RARB: variants seen among roughly 807,000 people sequenced by gnomAD.
RARB encodes the protein retinoic acid receptor beta, also known as HBV-activated protein.
Under a neutral mutation model 51.9 loss-of-function variants are expected in RARB, and 17 were observed. That is an observed-to-expected ratio of 0.33 (90% CI 0.22 to 0.49). The LOEUF (loss-of-function observed/expected upper bound fraction) is 0.49, where lower values mean the gene tolerates loss of function less well. Among genes scored for constraint, RARB ranks in the 20% least tolerant of loss-of-function variants. RARB has a pLI of 0.99. For synonymous variants in RARB, 215 were observed against 195.4 expected (o/e 1.10, Z -0.84); for missense variants, 369 against 550.8 (o/e 0.67, Z 3.30).
intron 5 of RARB, among the ~76,000 whole-genome samples, chr3:25,263,925 C>G (rs989011339): frequency 2.0e-5 from 3 of 152,136 alleles, no homozygotes; most frequent in Non-Finnish European, 2.9e-5. Context: ...TTTGTACTGA[C>G]AAGCGTATTT....
intron 5 of RARB, among the ~76,000 whole-genome samples, chr3:25,284,641 G>A (rs1178722061): frequency 6.6e-6 from 1 of 152,162 alleles, no homozygotes; most frequent in African/African-American, 2.4e-5. Context: ...GGTAGGGAAA[G>A]TTCTCAAGAT....
rs567659513 is a variant in RARB, at chr3:25,491,677, A to C, written c.307-9505A>C. ...TAGGGCTGGGCGTGCGTGGTACCTC[A>C]TGCCTGTAATCCCAACACTGTGGGA... On this transcript the variant is annotated intron_variant, in intron 2 of 7. Transcript: ENST00000330688. Among the ~76,000 whole-genome samples, 3 of 152,306 alleles carry C rather than the reference A, an allele frequency of 2.0e-5. No homozygotes were observed. The East Asian group carries it at 5.8e-4, about 29-fold the overall frequency.
intron 5 of RARB, among the ~76,000 whole-genome samples, chr3:25,380,826 TGG>T (rs1487861534): frequency 1.1e-4 from 17 of 152,186 alleles, no homozygotes; most frequent in Admixed American, 3.9e-4. Flanking sequence ...TCATCGTGAC[TGG>T]TTTTGTGCTT....
At chr3:25,161,175 G>C (rs1436608480) in intron 4 of RARB, among the ~76,000 whole-genome samples, 2 of 94,244 alleles carry the variant, frequency 2.1e-5, no homozygotes, top group African/African-American at 8.2e-5. Flanking sequence ...ACCATGCCCA[G>C]CTAATTATTA....
At chr3:25,411,585 C>T (rs891506121) in intron 5 of RARB, among the ~76,000 whole-genome samples, 4 of 152,192 alleles carry the variant, frequency 2.6e-5, no homozygotes, top group Non-Finnish European at 2.9e-5. Context: ...TCTGGCCTCA[C>T]GCACTAAATG....
intron 5 of RARB, among the ~76,000 whole-genome samples, chr3:25,588,791 C>T (rs191603885): frequency 1.2e-4 from 18 of 152,174 alleles, no homozygotes; most frequent in African/African-American, 4.3e-4. Context: ...CTCTGTGGAC[C>T]TGTCCGTGGG....
intron 4 of RARB, among the ~76,000 whole-genome samples, chr3:25,570,804 C>T (rs1274208505): frequency 1.3e-5 from 2 of 152,128 alleles, no homozygotes; most frequent in Non-Finnish European, 2.9e-5. Context: ...TTAGGTTGCT[C>T]ACCTACAATG....
intron 3 of RARB, among the ~76,000 whole-genome samples, chr3:25,130,878 A>G (rs1350909898): frequency 7.9e-6 from 1 of 126,300 alleles, no homozygotes; most frequent in African/African-American, 3.2e-5. Flanking sequence ...CATATTATCA[A>G]TATTTATTAT....
At chr3:25,115,395 A>T (rs1699668937) in intron 3 of RARB, among the ~76,000 whole-genome samples, 1 of 152,206 alleles carries the variant, frequency 6.6e-6, no homozygotes, top group South Asian at 2.1e-4. Context: ...GTTAGAAAGG[A>T]ACAGTAACAA....
intron 3 of RARB, among the ~76,000 whole-genome samples, chr3:25,092,716 A>G (rs1699220611): frequency 6.6e-6 from 1 of 152,032 alleles, no homozygotes; most frequent in Admixed American, 6.6e-5. Context: ...CCTCTGAGAG[A>G]AGTGTGTTGT....
chr3:24,990,502 T>A (rs1465532192), intron 2 of RARB, among the ~76,000 whole-genome samples: 2 of 107,892 alleles, frequency 1.9e-5, no homozygotes, highest in Non-Finnish European at 3.7e-5. Context: ...TTTATTTTTA[T>A]ATTTTTAATT....
intron 5 of RARB, among the ~76,000 whole-genome samples, chr3:25,387,754 G>A (rs576504453): frequency 3.9e-5 from 6 of 151,966 alleles, no homozygotes; most frequent in South Asian, 2.1e-4. Flanking sequence ...GTCTTTGTTC[G>A]ACCCTAAATG....
chr3:25,488,977 A>G (rs1575452256), intron 2 of RARB, among the ~76,000 whole-genome samples: 1 of 152,320 alleles, frequency 6.6e-6, no homozygotes, highest in East Asian at 1.9e-4. Context: ...AACTAAAGTC[A>G]GGTATGAAAT....
upstream of RARB, among the ~76,000 whole-genome samples, chr3:25,426,548 TA>T (rs1707994633): frequency 6.6e-6 from 1 of 152,224 alleles, no homozygotes; most frequent in African/African-American, 2.4e-5. Flanking sequence ...GACAGGCTTT[TA>T]AAAGGCCCGG....
chr3:25,440,695 C>T (rs948410532), intron 1 of RARB, among the ~76,000 whole-genome samples: 6 of 151,980 alleles, frequency 3.9e-5, no homozygotes, highest in Non-Finnish European at 5.9e-5. Context: ...ATCGCTTGAA[C>T]CGGGGAGGCG....
intron 1 of RARB, among the ~76,000 whole-genome samples, chr3:25,452,760 C>A (rs1189230571): frequency 6.6e-6 from 1 of 152,140 alleles, no homozygotes; most frequent in Non-Finnish European, 1.5e-5. Context: ...TTTCCTAATT[C>A]TAAGGTGCTC....
chr3:25,117,618 A>C (rs769354855), intron 3 of RARB, among the ~76,000 whole-genome samples: 1 of 152,168 alleles, frequency 6.6e-6, no homozygotes, highest in African/African-American at 2.4e-5. Context: ...GAATTATTTT[A>C]GTGGCCAAGG....
intron 5 of RARB, among the ~76,000 whole-genome samples, chr3:25,332,781 CATCTCAGCCCAAA>C (rs1199041173): frequency 6.6e-6 from 1 of 152,152 alleles, no homozygotes; most frequent in Non-Finnish European, 1.5e-5. Flanking sequence ...AAAACCCCAT[CATCTCAGCCCAAA>C]ATCTCCTTAA....
At chr3:25,548,069 A>G (rs577638881) in intron 3 of RARB, among the ~76,000 whole-genome samples, 2 of 151,246 alleles carry the variant, frequency 1.3e-5, no homozygotes, top group Admixed American at 1.3e-4. Flanking sequence ...CTCCCCCTGT[A>G]AAATATATTG....
Sources: allele counts gnomAD v4.1 joint callset (sites outside exome capture counted in the v4.1 genomes callset), GRCh38; gene constraint gnomAD v4.1.1; transcripts MANE v1.5; gene names NCBI Gene and HGNC (gene_info 2026-07-23, HGNC 2026-07-21).